PPM1L: variants seen among roughly 807,000 people sequenced by gnomAD.
PPM1L encodes protein phosphatase 1L.
In PPM1L, 13 loss-of-function variants were observed where a neutral mutation model predicts 31.4. The ratio of observed to expected loss-of-function variants is 0.41; its 90% confidence interval spans 0.27 to 0.66. PPM1L has a LOEUF of 0.66. Ranked by LOEUF, PPM1L falls within the 30% of genes least tolerant of loss-of-function variation. The pLI is 0.29. For missense variants in PPM1L, 326 were observed against 453.7 expected, an observed-to-expected ratio of 0.72 and a Z score of 2.56; for synonymous variants, 184 against 175.4, an observed-to-expected ratio of 1.05 and a Z score of -0.39.
intron 2 of PPM1L, among the ~76,000 whole-genome samples, chr3:161,010,755 T>G (rs1475029903): frequency 6.6e-6 from 1 of 152,236 alleles, no homozygotes; most frequent in East Asian, 1.9e-4. Context: ...GGTTTTGATT[T>G]GCATTTCTCT....
At chr3:160,776,243 T>A (rs1711556066) in intron 1 of PPM1L, among the ~76,000 whole-genome samples, 1 of 152,194 alleles carries the variant, frequency 6.6e-6, no homozygotes, top group Non-Finnish European at 1.5e-5. Flanking sequence ...TTAGAGTAAC[T>A]GAGTTCTTAA....
intron 1 of PPM1L, among the ~76,000 whole-genome samples, chr3:160,933,284 A>AT (rs139068573): frequency 0.05 from 7,519 of 150,232 alleles, 263 homozygotes; most frequent in African/African-American, 0.091. Flanking sequence ...TTTTGAGTGA[A>AT]TTTTTTTTTT....
At chr3:160,970,208 T>A (rs1427997158) in intron 2 of PPM1L, among the ~76,000 whole-genome samples, 1 of 152,130 alleles carries the variant, frequency 6.6e-6, no homozygotes, top group Non-Finnish European at 1.5e-5. Flanking sequence ...AATCCCAGAA[T>A]TTGGTGGTCT....
intron 1 of PPM1L, among the ~76,000 whole-genome samples, chr3:160,859,883 G>A (rs1323708544): frequency 6.6e-6 from 1 of 152,150 alleles, no homozygotes. Context: ...ACTTGGATGC[G>A]GAAGCCTCTG....
chr3:160,779,319 C>T (rs561082221), intron 1 of PPM1L, among the ~76,000 whole-genome samples: 1 of 152,264 alleles, frequency 6.6e-6, no homozygotes, highest in Non-Finnish European at 1.5e-5. Flanking sequence ...GCATTTAAAT[C>T]CTGTAGATCT....
intron 1 of PPM1L, among the ~76,000 whole-genome samples, chr3:160,904,281 T>A (rs1408930423): frequency 6.6e-6 from 1 of 152,162 alleles, no homozygotes; most frequent in Non-Finnish European, 1.5e-5. Context: ...TAATAAAATA[T>A]TATGGGTCTG....
At chr3:160,764,271 A>G (rs1273807602) in intron 1 of PPM1L, among the ~76,000 whole-genome samples, 8 of 152,224 alleles carry the variant, frequency 5.3e-5, no homozygotes, top group Non-Finnish European at 1.2e-4. Flanking sequence ...AGCTGGGACT[A>G]TAGGCATGTG....
intron 1 of PPM1L, among the ~76,000 whole-genome samples, chr3:160,952,451 C>T (rs1457221412): frequency 6.6e-6 from 1 of 152,184 alleles, no homozygotes; most frequent in Non-Finnish European, 1.5e-5. Context: ...TCGAAGGATT[C>T]CCATGATAAT....
At chr3:160,867,310 GA>G (rs1712126576) in intron 1 of PPM1L, among the ~76,000 whole-genome samples, 1 of 146,988 alleles carries the variant, frequency 6.8e-6, no homozygotes, top group Middle Eastern at 3.4e-3. Context: ...ATTTTGGCCT[GA>G]AATGAGTTCC....
chr3:160,783,635 A>G (rs1711814485), intron 1 of PPM1L, among the ~76,000 whole-genome samples: 1 of 151,934 alleles, frequency 6.6e-6, no homozygotes. Flanking sequence ...GAAAGAAAGA[A>G]AGAAATTAAA....
intron 1 of PPM1L, among the ~76,000 whole-genome samples, chr3:160,936,085 A>G (rs962799329): frequency 3.9e-5 from 6 of 152,078 alleles, no homozygotes; most frequent in Admixed American, 6.5e-5. Flanking sequence ...TCTGTTAACA[A>G]TTATAAGGGT....
At chr3:160,986,494 A>G (rs7639529) in intron 2 of PPM1L, among the ~76,000 whole-genome samples, 7,077 of 152,308 alleles carry the variant, frequency 0.046, 412 homozygotes, top group African/African-American at 0.12. Flanking sequence ...AGAAATCACA[A>G]TAAATTACAA....
At chr3:160,805,030 C>T (rs1272454967) in intron 1 of PPM1L, among the ~76,000 whole-genome samples, 2 of 152,202 alleles carry the variant, frequency 1.3e-5, no homozygotes, top group Admixed American at 6.5e-5. Context: ...TTCTCCACCT[C>T]CTGCTGTCAG....
At chr3:160,962,131 A>C (rs916231834) in intron 2 of PPM1L, among the ~76,000 whole-genome samples, 2 of 151,940 alleles carry the variant, frequency 1.3e-5, no homozygotes. Flanking sequence ...GCTGTTTTTT[A>C]TTGGGATTTT....
intron 1 of PPM1L, among the ~76,000 whole-genome samples, chr3:160,878,421 G>A (rs1283121900): frequency 6.6e-6 from 1 of 152,150 alleles, no homozygotes; most frequent in African/African-American, 2.4e-5. Flanking sequence ...CCTGCTAAGG[G>A]CCCTTTTCCT....
At chr3:160,876,369 CTG>C (rs1420203909) in intron 1 of PPM1L, among the ~76,000 whole-genome samples, 4 of 152,196 alleles carry the variant, frequency 2.6e-5, no homozygotes, top group Non-Finnish European at 4.4e-5. Flanking sequence ...TGATGGCAAA[CTG>C]TGCTGCTGTA....
chr3:161,023,928 T>A (rs373542004), intron 2 of PPM1L, among the ~76,000 whole-genome samples: 1 of 152,334 alleles, frequency 6.6e-6, no homozygotes, highest in African/African-American at 2.4e-5. Context: ...ATCCCAGGAA[T>A]ATGTTGGAGC....
intron 1 of PPM1L, among the ~76,000 whole-genome samples, chr3:160,898,374 G>T (rs1713418321): frequency 1.3e-5 from 2 of 152,148 alleles, no homozygotes; most frequent in Admixed American, 6.5e-5. Flanking sequence ...CTGTCAGGTG[G>T]GGAGACTCTC....
chr3:160,763,472 A>G (rs1285028772), intron 1 of PPM1L, among the ~76,000 whole-genome samples: 2 of 152,248 alleles, frequency 1.3e-5, no homozygotes, highest in African/African-American at 4.8e-5. Flanking sequence ...TTGAACCATT[A>G]TGGATAACAC....
Sources: gnomAD v4.1 joint callset for allele counts (sites outside exome capture counted in the v4.1 genomes callset) on GRCh38, gnomAD v4.1.1 for gene constraint, MANE v1.5 for transcripts, NCBI Gene and HGNC (gene_info 2026-07-23, HGNC 2026-07-21) for gene names.